The following TLL1 variants were observed in gnomAD, a reference collection of about 807,000 sequenced individuals.
The protein encoded by TLL1 is tolloid like 1.
In TLL1, 49 loss-of-function variants were observed where a neutral mutation model predicts 128.2. The observed-to-expected ratio is 0.38, with a 90% CI of 0.30 to 0.48. The LOEUF (loss-of-function observed/expected upper bound fraction) is 0.48, where lower values mean the gene tolerates loss of function less well. Ranked by LOEUF, TLL1 falls within the 20% of genes least tolerant of loss-of-function variation. The probability of loss-of-function intolerance (pLI) is 0.96; values close to 1 mark genes in which losing one functional copy is unlikely to be tolerated. For synonymous variants in TLL1, 454 were observed against 418.8 expected (o/e 1.08, Z -1.03); for missense variants, 1,123 against 1,242.0 (o/e 0.90, Z 1.44).
At chr4:165,992,131 C>T (rs1344187992) in intron 2 of TLL1, among the ~76,000 whole-genome samples, 1 of 151,964 alleles carries the variant, frequency 6.6e-6, no homozygotes, top group African/African-American at 2.4e-5. Context: ...ATTCCTTTTG[C>T]ACTACAGACT....
At position 165,873,680 on chromosome 4, in the gene TLL1, G is replaced by A; in HGVS notation, c.-225G>A. Reference sequence around the variant, plus strand: ...TTACCTGCCCTCCGCCCACCCGTGGGCCCCTAGCCAACTTCTCCCTGCGAC... The same window carrying A: ...TTACCTGCCCTCCGCCCACCCGTGGACCCCTAGCCAACTTCTCCCTGCGAC... On this transcript the variant is annotated 5_prime_UTR_variant, in exon 1 of 21. Coordinates refer to ENST00000061240, the MANE Select transcript of TLL1 (RefSeq NM_012464.5). 1 of 525,214 alleles carries A rather than the reference G, an allele frequency of 1.9e-6. No individual in the cohort carries two copies. Among genetic ancestry groups the A allele is most frequent in the South Asian group, 2.6e-5 (1 of 38,792 alleles). The allele number at this position is 525,214 out of a possible 1,614,324, so 32.5% of individuals were successfully genotyped here.
At chr4:165,895,318 T>C (rs1043322118) in intron 1 of TLL1, among the ~76,000 whole-genome samples, 1 of 152,104 alleles carries the variant, frequency 6.6e-6, no homozygotes, top group Non-Finnish European at 1.5e-5. Context: ...TCAGGATATA[T>C]GATCACATAC....
intron 19 of TLL1, among the ~76,000 whole-genome samples, chr4:166,092,965 A>G (rs748520316): frequency 3.3e-5 from 5 of 152,028 alleles, no homozygotes; most frequent in Non-Finnish European, 7.4e-5. Flanking sequence ...ATAACTCCCT[A>G]ATTTGCATGA....
intron 8 of TLL1, among the ~76,000 whole-genome samples, chr4:166,023,926 T>C (rs946791715): frequency 6.6e-6 from 1 of 152,120 alleles, no homozygotes. Context: ...GTTTTTTTTT[T>C]ATAGAAACAC....
intron 17 of TLL1, 28 bp downstream of exon 17, chr4:166,075,031 C>T (rs1445052147): frequency 6.2e-7 from 1 of 1,611,224 alleles, no homozygotes; most frequent in Non-Finnish European, 8.5e-7. Flanking sequence ...CTTTTTTTGA[C>T]AACATGTAGA....
intron 1 of TLL1, among the ~76,000 whole-genome samples, chr4:165,911,268 G>C (rs1202819740): frequency 1.3e-5 from 2 of 151,814 alleles, no homozygotes; most frequent in Non-Finnish European, 2.9e-5. Flanking sequence ...TTTAGCTCCC[G>C]CATGTGAGTG....
intron 1 of TLL1, among the ~76,000 whole-genome samples, chr4:165,903,214 C>G (rs1053590049): frequency 4.0e-5 from 6 of 151,654 alleles, no homozygotes; most frequent in Non-Finnish European, 5.9e-5. Flanking sequence ...GGTGCATGCC[C>G]GTGGTCTCAG....
rs971721403 is a variant in TLL1, at chr4:165,944,234, A to G, written c.170-45147A>G. ...CTAAATTATTTGTCTTCTCTGACCT[A>G]CATGGTAGACTTTGAAGACCTGGAA... On this transcript the variant is annotated intron_variant, in intron 1 of 20. Transcript: ENST00000061240. Among the ~76,000 whole-genome samples, 7 of 152,288 alleles carry G rather than the reference A, an allele frequency of 4.6e-5. No individual in the cohort carries two copies. The South Asian group carries it at 8.3e-4, about 18-fold the overall frequency.
At chr4:165,981,014 C>T (rs1262840483) in intron 1 of TLL1, among the ~76,000 whole-genome samples, 1 of 152,044 alleles carries the variant, frequency 6.6e-6, no homozygotes, top group Non-Finnish European at 1.5e-5. Context: ...TATAAATGAG[C>T]TCTTTATGAA....
chr4:165,940,392 C>A (rs991710559), intron 1 of TLL1, among the ~76,000 whole-genome samples: 1 of 151,740 alleles, frequency 6.6e-6, no homozygotes, highest in Admixed American at 6.6e-5. Context: ...AGTGCACATT[C>A]GTATACTAAA....
chr4:165,885,339 T>C (rs750174859), intron 1 of TLL1, among the ~76,000 whole-genome samples: 1 of 151,792 alleles, frequency 6.6e-6, no homozygotes, highest in Non-Finnish European at 1.5e-5. Flanking sequence ...TCCTCTCAAG[T>C]GGTACCAAGA....
intron 15 of TLL1, 46 bp downstream of exon 15, chr4:166,060,234 C>A: frequency 6.3e-7 from 1 of 1,586,596 alleles, no homozygotes; most frequent in Non-Finnish European, 8.6e-7. Context: ...TTTTGGAACT[C>A]CCTGAAGGCA....
chr4:165,876,572 G>A (rs576082103), intron 1 of TLL1, among the ~76,000 whole-genome samples: 3 of 152,278 alleles, frequency 2.0e-5, no homozygotes, highest in Non-Finnish European at 4.4e-5. Flanking sequence ...GACAATCATG[G>A]CTTCGTGGTT....
intron 1 of TLL1, among the ~76,000 whole-genome samples, chr4:165,930,078 G>C (rs1236352341): frequency 6.6e-6 from 1 of 152,138 alleles, no homozygotes; most frequent in Non-Finnish European, 1.5e-5. Flanking sequence ...AGTTGAATCA[G>C]TACAGCTTTA....
chr4:166,041,709 T>TC (rs1367037315), intron 10 of TLL1, among the ~76,000 whole-genome samples: 2 of 152,160 alleles, frequency 1.3e-5, no homozygotes, highest in African/African-American at 4.8e-5. Flanking sequence ...TAAATAATAT[T>TC]CCCCACCTTG....
Position 165,873,320 on chromosome 4 carries a change from G to C in TLL1, c.-585G>C, listed in dbSNP as rs568487567. The C allele has an allele frequency of 1.4e-3, 216 of 153,488 alleles. 2 individuals are homozygous for C. The highest frequency in any genetic ancestry group is 2.5e-3 in the Non-Finnish European group (174 of 69,104). 9.5% of individuals were successfully genotyped at this position (153,488 alleles called of 1,614,324 possible). On this transcript the variant is annotated 5_prime_UTR_variant, in exon 1 of 21. Coordinates refer to ENST00000061240, the MANE Select transcript of TLL1 (RefSeq NM_012464.5). ...GGCTTCTGCAGGCTTTTAAGGTCTC[G>C]CGGCGTAGAAATGCCTGGCCCCCAC...
chr4:166,043,246 T>A lies in TLL1; in HGVS notation c.1379-28T>A, dbSNP rs1579663819. 11 of 1,613,930 alleles carry A rather than the reference T, an allele frequency of 6.8e-6. No homozygotes were observed. The East Asian group carries it at 2.5e-4, about 36-fold the overall frequency. On this transcript the variant is annotated intron_variant, in intron 11 of 20. Coordinates refer to ENST00000061240, the MANE Select transcript of TLL1 (RefSeq NM_012464.5). ...ATGAAATAGCATGTCCAGGCTTAGT[T>A]ATTTGTTTATTTTTTGGCTTTCTTC...
chr4:165,907,832 G>A (rs1056929800), intron 1 of TLL1, among the ~76,000 whole-genome samples: 2 of 152,226 alleles, frequency 1.3e-5, no homozygotes, highest in African/African-American at 2.4e-5. Context: ...GCAGGCGTGA[G>A]CCACCACTTC....
chr4:165,932,130 G>C (rs1256181331), intron 1 of TLL1, among the ~76,000 whole-genome samples: 1 of 152,102 alleles, frequency 6.6e-6, no homozygotes, highest in Non-Finnish European at 1.5e-5. Flanking sequence ...GAGAAGCAAA[G>C]GTAAGAAACA....
Sources: gnomAD v4.1 joint callset for allele counts (sites outside exome capture counted in the v4.1 genomes callset) on GRCh38, gnomAD v4.1.1 for gene constraint, MANE v1.5 for transcripts, NCBI Gene and HGNC (gene_info 2026-07-23, HGNC 2026-07-21) for gene names.